Variants in CHTF8 observed in about 807,000 individuals in gnomAD.
The protein encoded by CHTF8 is chromosome transmission fidelity factor 8, also known as chromosome transmission fidelity protein 8 homolog.
In CHTF8, 6 loss-of-function variants were observed where a neutral mutation model predicts 11.0. The ratio of observed to expected loss-of-function variants is 0.55; its 90% CI spans 0.30 to 1.08. The LOEUF is 1.08. Among genes scored for constraint, CHTF8 ranks in the 50% least tolerant of loss-of-function variants. The pLI is 0.07. For missense variants in CHTF8, 140 were observed against 153.1 expected (o/e 0.91, Z 0.45); for synonymous variants, 53 against 60.5 (o/e 0.88, Z 0.57).
Position 69,120,347 on chromosome 16 carries a change from C to A in CHTF8, c.*78G>T, listed in dbSNP as rs764454622. On this transcript the variant is annotated 3_prime_UTR_variant, in exon 4 of 4. Coordinates refer to ENST00000448552, the MANE Select transcript of CHTF8 (RefSeq NM_001039690.5). This position sits in a 1 kb window ranked among gnomAD's most constrained non-coding sequence, Gnocchi z 4.0. ...GGACCCCCCTGTGGTCCCAGGGAACCGTCGAGCCGTCCTCGAGGTGGCAGC... is the reference window on the plus strand; with the variant it reads ...GGACCCCCCTGTGGTCCCAGGGAACAGTCGAGCCGTCCTCGAGGTGGCAGC... 1.4e-6 allele frequency: 2 copies of A among 1,429,708 alleles called. No individual in the cohort carries two copies. The highest frequency in any genetic ancestry group is 2.8e-5 in the African/African-American group (2 of 71,348). 88.6% of individuals were successfully genotyped at this position (1,429,708 alleles called of 1,614,324 possible).
At chr16:69,127,075 C>T (rs1962113185) in intron 1 of CHTF8, among the ~76,000 whole-genome samples, 1 of 151,816 alleles carries the variant, frequency 6.6e-6, no homozygotes, top group African/African-American at 2.4e-5. Context: ...CCATCTCTAC[C>T]AAAAATACAA....
In CHTF8 at chr16:69,119,926, C is replaced by A; in HGVS notation, c.*499G>T. ...GGGACCACCACCTCTGGGGTCAGGA[C>A]CTGCTCCCAGGAGACCACCTGCCCT... is the stretch of plus-strand genomic sequence containing the variant. On this transcript the variant is annotated 3_prime_UTR_variant, in exon 4 of 4. Transcript: ENST00000448552. The A allele has an allele frequency of 1.4e-6, 1 of 702,608 alleles. No individual in the cohort carries two copies. The highest frequency in any genetic ancestry group is 2.6e-6 in the Non-Finnish European group (1 of 384,870). 43.5% of individuals were successfully genotyped at this position (702,608 alleles called of 1,614,324 possible). A position where few individuals can be genotyped will look rare whatever the true frequency, so the allele number is the denominator to read the frequency against.
Position 69,119,343 on chromosome 16 carries a change from A to G in CHTF8, c.*1082T>C. 1.4e-6 allele frequency: 1 copy of G among 703,058 alleles called. No individual in the cohort carries two copies. Among genetic ancestry groups the G allele is most frequent in the Non-Finnish European group, 2.6e-6 (1 of 385,010 alleles). The allele number at this position is 703,058 out of a possible 1,614,324, so 43.6% of individuals were successfully genotyped here. A position where few individuals can be genotyped will look rare whatever the true frequency, so the allele number is the denominator to read the frequency against. On this transcript the variant is annotated 3_prime_UTR_variant, in exon 4 of 4. Transcript: ENST00000448552. ...AGGCAGATGAACCTGCTCCCCTGGG[A>G]AAGGGATTGGCATTTACCCCCATGG...
chr16:69,128,008 A>G (rs1018951346), intron 1 of CHTF8, among the ~76,000 whole-genome samples: 3 of 152,038 alleles, frequency 2.0e-5, no homozygotes, highest in African/African-American at 7.3e-5. Context: ...TCCGCTGCCC[A>G]GGATCAGGGG....
rs1056360856 is a variant in CHTF8 at position 69,119,923 on chromosome 16, G to C, written c.*502C>G. Reference sequence around the variant, plus strand: ...CATGGGACCACCACCTCTGGGGTCAGGACCTGCTCCCAGGAGACCACCTGC... The same window carrying C: ...CATGGGACCACCACCTCTGGGGTCACGACCTGCTCCCAGGAGACCACCTGC... On this transcript the variant is annotated 3_prime_UTR_variant, in exon 4 of 4. Coordinates refer to ENST00000448552, the MANE Select transcript of CHTF8 (RefSeq NM_001039690.5). The C allele has an allele frequency of 1.4e-6, 1 of 702,484 alleles. No individual in the cohort carries two copies. The highest frequency in any genetic ancestry group is 1.7e-5 in the African/African-American group (1 of 57,262). 43.5% of individuals were successfully genotyped at this position (702,484 alleles called of 1,614,324 possible). A position where few individuals can be genotyped will look rare whatever the true frequency, so the allele number is the denominator to read the frequency against.
In CHTF8 at chr16:69,118,039, G is replaced by A; in HGVS notation, c.*2386C>T. The A allele has an allele frequency of 2.5e-6, 1 of 397,100 alleles. No individual in the cohort carries two copies. The highest frequency in any genetic ancestry group is 3.2e-5 in the South Asian group (1 of 30,888). 24.6% of individuals were successfully genotyped at this position (397,100 alleles called of 1,614,324 possible). A position where few individuals can be genotyped will look rare whatever the true frequency, so the allele number is the denominator to read the frequency against. ...TCTCATCCCATTTATTAAAGAAACAGTAAGAAAAGATACAATGCAGGAAAA... is the reference window on the plus strand; with the variant it reads ...TCTCATCCCATTTATTAAAGAAACAATAAGAAAAGATACAATGCAGGAAAA... On this transcript the variant is annotated 3_prime_UTR_variant, in exon 4 of 4. Coordinates refer to ENST00000448552, the MANE Select transcript of CHTF8 (RefSeq NM_001039690.5).
Position 69,118,346 on chromosome 16 carries a change from G to C in CHTF8, c.*2079C>G. On this transcript the variant is annotated 3_prime_UTR_variant, in exon 4 of 4. Coordinates refer to ENST00000448552, the MANE Select transcript of CHTF8 (RefSeq NM_001039690.5). ...AAGTGGTTGTCCATCTCCCTGTTCT[G>C]TGTTCAAGCCCCCAGGGAAAGGTAT... is the stretch of plus-strand genomic sequence containing the variant. The C allele has an allele frequency of 6.4e-7, 1 of 1,554,728 alleles. No individual in the cohort carries two copies. Among genetic ancestry groups the C allele is most frequent in the Non-Finnish European group, 8.9e-7 (1 of 1,125,734 alleles).
chr16:69,121,481 A>C lies in CHTF8; in HGVS notation c.-23T>G, dbSNP rs758579769. The C allele has an allele frequency of 1.3e-6, 2 of 1,594,514 alleles. No individual in the cohort carries two copies. Among genetic ancestry groups the C allele is most frequent in the African/African-American group, 1.4e-5 (1 of 73,744 alleles). ...CATGAGCTTTCTGTCTTTAAAAAGC[A>C]AGTGAAAACAAGCTGTAGAGAGAAA... On this transcript the variant is annotated 5_prime_UTR_variant, in exon 2 of 4. Coordinates refer to ENST00000448552, the MANE Select transcript of CHTF8 (RefSeq NM_001039690.5).
chr16:69,121,279 C>G (rs1344729843), intron 2 of CHTF8, 109 bp from the exon 3 acceptor site: 2 of 1,296,454 alleles, frequency 1.5e-6, no homozygotes, highest in Non-Finnish European at 2.2e-6. Context: ...ATGTCAAGTT[C>G]TTGGGAAATT....
chr16:69,122,010 ACTC>A (rs1961709756), intron 1 of CHTF8, among the ~76,000 whole-genome samples: 1 of 124,330 alleles, frequency 8.0e-6, no homozygotes, highest in African/African-American at 3.1e-5. Flanking sequence ...CTGGTCTTGA[ACTC>A]CTGACCTCGT....
At chr16:69,126,710 G>GTATT (rs1962084852) in intron 1 of CHTF8, among the ~76,000 whole-genome samples, 3 of 152,236 alleles carry the variant, frequency 2.0e-5, no homozygotes, top group African/African-American at 7.2e-5. Context: ...GCACGTGGGT[G>GTATT]TATTTACTAC....
At chr16:69,130,913 T>A (rs996454181) in intron 1 of CHTF8, among the ~76,000 whole-genome samples, 1 of 152,214 alleles carries the variant, frequency 6.6e-6, no homozygotes, top group Non-Finnish European at 1.5e-5. Flanking sequence ...GGGATTAAGT[T>A]CTGGAAGGTA....
intron 1 of CHTF8, among the ~76,000 whole-genome samples, chr16:69,126,437 C>T (rs1287972658): frequency 6.6e-6 from 1 of 152,202 alleles, no homozygotes; most frequent in East Asian, 1.9e-4. Flanking sequence ...ACAATGCACA[C>T]CTTTACACAC....
chr16:69,120,578 T>G lies in CHTF8; in HGVS notation c.213A>C (p.Ala71=). ...GKIIHLEKPF[A]VLVKHTPGDQ... ...CCCCAGGAGTGTGTTTGACAAGGACTGCAAAAGGTTTCTCCAGGTGGATGA... is the reference window on the plus strand; with the variant it reads ...CCCCAGGAGTGTGTTTGACAAGGACGGCAAAAGGTTTCTCCAGGTGGATGA... The change falls in exon 4 of 4, where the codon GCA becomes GCC. Residue 71 remains alanine, a synonymous_variant. Coordinates refer to ENST00000448552, the MANE Select transcript of CHTF8 (RefSeq NM_001039690.5). This position sits in a 1 kb window ranked among gnomAD's most constrained non-coding sequence, Gnocchi z 4.0. 1 of 1,614,112 alleles carries G rather than the reference T, an allele frequency of 6.2e-7. No homozygotes were observed. Among genetic ancestry groups the G allele is most frequent in the African/African-American group, 1.3e-5 (1 of 75,012 alleles).
In CHTF8 at chr16:69,119,899, A is replaced by G. The variant is rs1346939090; in HGVS notation, c.*526T>C. 1.4e-6 allele frequency: 1 copy of G among 702,164 alleles called. No homozygotes were observed. Among genetic ancestry groups the G allele is most frequent in the African/African-American group, 1.7e-5 (1 of 57,242 alleles). 43.5% of individuals were successfully genotyped at this position (702,164 alleles called of 1,614,324 possible). The stretch of plus-strand genomic sequence containing the variant: ...CAGGTTAGGTCCAGATCCAGGGCCC[A>G]TGGGACCACCACCTCTGGGGTCAGG... On this transcript the variant is annotated 3_prime_UTR_variant, in exon 4 of 4. Coordinates refer to ENST00000448552, the MANE Select transcript of CHTF8 (RefSeq NM_001039690.5).
rs1198769291 is a variant in CHTF8 at position 69,120,467 on chromosome 16, G to C, written c.324C>G (p.Thr108=). Reference sequence around the variant, plus strand: ...CGCTGGTGATAATGGGCTTGGGGCGGGTTTTGAAAAGGATCTTGTCTTTGA... The same window carrying C: ...CGCTGGTGATAATGGGCTTGGGGCGCGTTTTGAAAAGGATCTTGTCTTTGA... The part of the protein sequence containing the change: ...ALIKDKILFK[T]RPKPIITSVP... Residue 108 remains threonine, a synonymous_variant, in exon 4 of 4, where the codon ACC becomes ACG. Coordinates refer to ENST00000448552, the MANE Select transcript of CHTF8 (RefSeq NM_001039690.5). The surrounding 1 kb of genome is among the most constrained non-coding windows in gnomAD (Gnocchi z 4.0). 1 of 1,614,126 alleles carries C rather than the reference G, an allele frequency of 6.2e-7. No homozygotes were observed. Among genetic ancestry groups the C allele is most frequent in the Non-Finnish European group, 8.5e-7 (1 of 1,180,010 alleles).
intron 1 of CHTF8, among the ~76,000 whole-genome samples, chr16:69,129,786 T>G (rs1395178829): frequency 6.6e-6 from 1 of 152,242 alleles, no homozygotes. Flanking sequence ...AGCCTCGTTC[T>G]CACAGCATCT....
rs913333601 is a variant in CHTF8 at position 69,119,451 on chromosome 16, A to G, written c.*974T>C. 4.3e-6 allele frequency: 3 copies of G among 702,746 alleles called. No homozygotes were observed. The highest frequency in any genetic ancestry group is 2.7e-5 in the East Asian group (1 of 37,276). 43.5% of individuals were successfully genotyped at this position (702,746 alleles called of 1,614,324 possible). Reference sequence around the variant, plus strand: ...ACATGGGAGATGGATTTGGCCCTGGAAGGCCAATTCCCCGAGAGCTAGGAC... The same window carrying G: ...ACATGGGAGATGGATTTGGCCCTGGGAGGCCAATTCCCCGAGAGCTAGGAC... On this transcript the variant is annotated 3_prime_UTR_variant, in exon 4 of 4. Transcript: ENST00000448552.
rs1961438606 is a variant in CHTF8 at position 69,119,380 on chromosome 16, C to G, written c.*1045G>C. The G allele has an allele frequency of 2.8e-6, 2 of 702,876 alleles. No individual in the cohort carries two copies. Among genetic ancestry groups the G allele is most frequent in the Non-Finnish European group, 5.2e-6 (2 of 384,976 alleles). 43.5% of individuals were successfully genotyped at this position (702,876 alleles called of 1,614,324 possible). A position where few individuals can be genotyped will look rare whatever the true frequency, so the allele number is the denominator to read the frequency against. On this transcript the variant is annotated 3_prime_UTR_variant, in exon 4 of 4. Transcript: ENST00000448552. ...ATTTACCCCCATGGGGCCAACTGGC[C>G]TTGAGAAATGAGCTGAATTAGGGCC...
Sources: gnomAD v4.1 joint callset for allele counts (sites outside exome capture counted in the v4.1 genomes callset) on GRCh38, gnomAD v4.1.1 for gene constraint, Gnocchi (gnomAD v3.1) non-coding constraint, MANE v1.5 for transcripts, NCBI Gene and HGNC (gene_info 2026-07-23, HGNC 2026-07-21) for gene names.